The following DCC variants were observed in gnomAD, a reference collection of about 807,000 sequenced individuals.
DCC encodes the protein netrin receptor DCC.
A neutral mutation model predicts 172.5 loss-of-function variants in DCC; 58 were observed. That is an observed-to-expected ratio of 0.34 (90% CI 0.27 to 0.42). The LOEUF is 0.42. DCC is among the 10% of genes least tolerant of loss of function. The pLI is 1.00. For missense variants in DCC, 1,740 were observed against 1,791.0 expected, an observed-to-expected ratio of 0.97 and a Z score of 0.51; for synonymous variants, 709 against 644.5, an observed-to-expected ratio of 1.10 and a Z score of -1.52.
chr18:52,660,077 G>C (rs2035328280), intron 1 of DCC, among the ~76,000 whole-genome samples: 1 of 152,054 alleles, frequency 6.6e-6, no homozygotes, highest in Admixed American at 6.6e-5. Flanking sequence ...AGAAAAATAA[G>C]AAATCGGTTC....
intron 2 of DCC, among the ~76,000 whole-genome samples, chr18:52,842,503 C>T (rs543697749): frequency 1.2e-3 from 178 of 152,244 alleles, no homozygotes; most frequent in African/African-American, 4.1e-3. Flanking sequence ...ATGATGCTAG[C>T]CCAATTGGGG....
In DCC at chr18:52,664,782, A is replaced by G. The variant is rs192476732; in HGVS notation, c.92-87272A>G. Reference sequence around the variant, plus strand: ...CACCGCGCCCGGCCCAGTGGCCCCAAAAATCTTAATGCAAAAATCCTACTG... The same window carrying G: ...CACCGCGCCCGGCCCAGTGGCCCCAGAAATCTTAATGCAAAAATCCTACTG... On this transcript the variant is annotated intron_variant, in intron 1 of 28. Transcript: ENST00000442544. Among the ~76,000 whole-genome samples the G allele has an allele frequency of 5.3e-5, 8 of 152,190 alleles. No individual in the cohort carries two copies. In the East Asian group the frequency reaches 9.7e-4, roughly 18 times the overall value.
intron 1 of DCC, among the ~76,000 whole-genome samples, chr18:52,448,197 C>A (rs966021324): frequency 1.3e-5 from 2 of 152,172 alleles, no homozygotes; most frequent in Non-Finnish European, 1.5e-5. Flanking sequence ...GTGAACTGCA[C>A]ATTCGAGGGA....
intron 8 of DCC, among the ~76,000 whole-genome samples, chr18:53,166,655 A>G (rs1026603670): frequency 6.6e-6 from 1 of 152,192 alleles, no homozygotes; most frequent in Non-Finnish European, 1.5e-5. Flanking sequence ...GTTGAAGCAG[A>G]GATTACAGGA....
chr18:53,403,172 T>C (rs1308236742), intron 19 of DCC, among the ~76,000 whole-genome samples: 1 of 152,128 alleles, frequency 6.6e-6, no homozygotes, highest in East Asian at 1.9e-4. Context: ...ATAGACCTTT[T>C]TGTTTTTCAT....
At chr18:53,138,458 C>T (rs1598840390) in intron 7 of DCC, among the ~76,000 whole-genome samples, 1 of 152,144 alleles carries the variant, frequency 6.6e-6, no homozygotes, top group Non-Finnish European at 1.5e-5. Context: ...ATATTAGTTA[C>T]AGATGTCAGC....
At position 52,692,245 on chromosome 18, in the gene DCC, A is replaced by T. The variant is rs2035939878; in HGVS notation, c.92-59809A>T. Among the ~76,000 whole-genome samples the T allele has an allele frequency of 2.0e-5, 3 of 152,258 alleles. No individual in the cohort carries two copies. The South Asian group carries it at 6.2e-4, about 32-fold the overall frequency. ...TATTTTTCAATCTTCTGTCAAATGG[A>T]AACAAAAGGATCTTTGCCAAGTATT... On this transcript the variant is annotated intron_variant, in intron 1 of 28. Transcript: ENST00000442544.
Position 53,363,283 on chromosome 18 carries a change from T to A in DCC, c.2360-22760T>A, listed in dbSNP as rs149419161. 3.5e-3 allele frequency among the ~76,000 whole-genome samples: 535 copies of A among 152,292 alleles called. 3 individuals are homozygous for A. Among genetic ancestry groups the A allele is most frequent in the African/African-American group, 0.012 (517 of 41,572 alleles). On this transcript the variant is annotated intron_variant, in intron 15 of 28. Coordinates refer to ENST00000442544, the MANE Select transcript of DCC (RefSeq NM_005215.4). ...CTGCTGAAATTCTATAGCAATTTTC[T>A]CCTGTCTGTCATTTCTTCACTGGCA...
At chr18:53,091,869 A>C (rs1488969954) in intron 7 of DCC, among the ~76,000 whole-genome samples, 1 of 150,172 alleles carries the variant, frequency 6.7e-6, no homozygotes, top group African/African-American at 2.5e-5. Context: ...CTATATATAT[A>C]TATATATCTA....
chr18:52,559,734 A>G (rs1213348669), intron 1 of DCC, among the ~76,000 whole-genome samples: 1 of 151,752 alleles, frequency 6.6e-6, no homozygotes, highest in Non-Finnish European at 1.5e-5. Context: ...CCCAAATTTG[A>G]TTTATTTCCC....
chr18:53,174,231 A>G (rs1159095895), intron 8 of DCC, among the ~76,000 whole-genome samples: 6 of 143,292 alleles, frequency 4.2e-5, no homozygotes, highest in African/African-American at 1.6e-4. Context: ...AAAGCAGGAA[A>G]GATCCAAAAT....
intron 1 of DCC, among the ~76,000 whole-genome samples, chr18:52,709,890 A>G (rs2145052810): frequency 6.6e-6 from 1 of 152,368 alleles, no homozygotes; most frequent in Middle Eastern, 3.4e-3. Flanking sequence ...GATTTTTAAT[A>G]GCAGTGAGAT....
chr18:53,160,112 G>T (rs1488152350), intron 8 of DCC, among the ~76,000 whole-genome samples: 1 of 152,140 alleles, frequency 6.6e-6, no homozygotes, highest in Non-Finnish European at 1.5e-5. Flanking sequence ...TCACAGGCCT[G>T]CTTATCATAC....
intron 2 of DCC, among the ~76,000 whole-genome samples, chr18:52,814,381 G>A (rs1001344718): frequency 6.6e-6 from 1 of 152,216 alleles, no homozygotes; most frequent in Non-Finnish European, 1.5e-5. Flanking sequence ...TGAGGAGGAA[G>A]ACACAAGCAG....
intron 21 of DCC, among the ~76,000 whole-genome samples, chr18:53,432,507 GCT>G (rs1344839279): frequency 6.6e-6 from 1 of 152,098 alleles, no homozygotes; most frequent in Non-Finnish European, 1.5e-5. Flanking sequence ...TTTCACTCCA[GCT>G]GTTTTCTAAA....
rs144142530 is a variant in DCC, at chr18:52,797,204, T to C, written c.412+44830T>C. Among the ~76,000 whole-genome samples, 61 of 152,334 alleles carry C rather than the reference T, an allele frequency of 4.0e-4. 1 individual carries two copies. Among genetic ancestry groups the C allele is most frequent in the African/African-American group, 1.3e-3 (56 of 41,592 alleles). Reference sequence around the variant, plus strand: ...TATTTGTATTGTTGGTGTTTTCTTATATTTCACTGAATTTCTCATCATAAA... The same window carrying C: ...TATTTGTATTGTTGGTGTTTTCTTACATTTCACTGAATTTCTCATCATAAA... On this transcript the variant is annotated intron_variant, in intron 2 of 28. Coordinates refer to ENST00000442544, the MANE Select transcript of DCC (RefSeq NM_005215.4).
At chr18:52,747,502 G>A (rs946309157) in intron 1 of DCC, among the ~76,000 whole-genome samples, 20 of 152,166 alleles carry the variant, frequency 1.3e-4, no homozygotes, top group Admixed American at 1.2e-3. Flanking sequence ...GAGTTCTTCT[G>A]TTGCCTTCCC....
intron 2 of DCC, among the ~76,000 whole-genome samples, chr18:52,902,951 G>T (rs561947941): frequency 6.6e-6 from 1 of 152,266 alleles, no homozygotes; most frequent in South Asian, 2.1e-4. Context: ...GCCCTGGCTT[G>T]TTAAGATCTG....
At chr18:52,991,208 A>G (rs2041384474) in intron 5 of DCC, among the ~76,000 whole-genome samples, 1 of 152,296 alleles carries the variant, frequency 6.6e-6, no homozygotes. Flanking sequence ...ATAGCAGCAC[A>G]GTTTAAACTC....
Sources: allele counts gnomAD v4.1 joint callset (sites outside exome capture counted in the v4.1 genomes callset), GRCh38; gene constraint gnomAD v4.1.1; transcripts MANE v1.5; gene names NCBI Gene and HGNC (gene_info 2026-07-23, HGNC 2026-07-21).